TTN: variants seen among roughly 807,000 people sequenced by gnomAD.
TTN encodes the protein titin, also known as connectin.
In TTN, 1,525 loss-of-function variants were observed where a neutral mutation model predicts 3,223.0. The ratio of observed to expected loss-of-function variants is 0.47; its 90% CI spans 0.45 to 0.49. The LOEUF is 0.49. Ranked by LOEUF, TTN falls within the 20% of genes least tolerant of loss-of-function variation. TTN has a pLI of 0.00. For synonymous variants in TTN, 14,094 were observed against 15,161.0 expected (o/e 0.93, Z 5.17); for missense variants, 40,786 against 43,424.0 (o/e 0.94, Z 5.40).
chr2:178,590,488 G>A lies in TTN; in HGVS notation c.61237C>T (p.Pro20413Ser), dbSNP rs1318733792. 1 of 1,612,952 alleles carries A rather than the reference G, an allele frequency of 6.2e-7. No individual in the cohort carries two copies. Among genetic ancestry groups the A allele is most frequent in the Non-Finnish European group, 8.5e-7 (1 of 1,179,412 alleles). The change falls in exon 304 of 363, where the codon CCT becomes TCT. Residue 20413 changes from proline to serine, a missense_variant. Pro to Ser is a moderately conservative substitution (Grantham distance 74). Transcript: ENST00000589042. ...ILGYVVECQK[P>S]GTAQWNRINK... Reference sequence around the variant, plus strand: ...ATCCTGTTCCATTGTGCTGTGCCAGGTTTCTGACATTCCACTACATATCCT... The same window carrying A: ...ATCCTGTTCCATTGTGCTGTGCCAGATTTCTGACATTCCACTACATATCCT...
rs148115514 is a variant in TTN at position 178,751,754 on chromosome 2, C to G, written c.11311+1370G>C. On this transcript the variant is annotated intron_variant, in intron 47 of 362. Transcript: ENST00000589042. ...ATCACTCTCAGCTTTTATAATCCGA[C>G]GAAGACCTGTTGGGATGGGCCGATT... is the stretch of plus-strand genomic sequence containing the variant. 3.7e-6 allele frequency: 6 copies of G among 1,613,094 alleles called. No individual in the cohort carries two copies. The Admixed American group carries it at 1.0e-4, about 27-fold the overall frequency.
chr2:178,620,018 T>G lies in TTN; in HGVS notation c.46399A>C (p.Arg15467=), dbSNP rs1213528986. Residue 15467 remains arginine (R), a synonymous_variant, in exon 249 of 363, where the codon AGG becomes CGG. Transcript: ENST00000589042. ...ECEYACGVED[R]KSRARLFVEE... ...ACAAAAAGTCTAGCACGAGACTTCC[T>G]GTCTTCTACCCCGCAAGCATATTCA... The G allele has an allele frequency of 3.7e-6, 6 of 1,611,734 alleles. No homozygotes were observed. Among genetic ancestry groups the G allele is most frequent in the Non-Finnish European group, 4.2e-6 (5 of 1,178,722 alleles).
At position 178,554,528 on chromosome 2, in the gene TTN, G is replaced by C. The variant is rs781330566; in HGVS notation, c.88819C>G (p.Arg29607Gly). 1.2e-6 allele frequency: 2 copies of C among 1,613,386 alleles called. No homozygotes were observed. Among genetic ancestry groups the C allele is most frequent in the Non-Finnish European group, 1.7e-6 (2 of 1,179,772 alleles). ...KIIKGNEYIFRVRAVNKYGIG... is the reference protein window; with the variant it reads ...KIIKGNEYIFGVRAVNKYGIG... ...CCATATTTGTTCACGGCTCGGACCC[G>C]GAAGATGTATTCATTTCCTTTGATA... The change falls in exon 332 of 363, where the codon CGG becomes GGG. Residue 29607 changes from arginine (R) to glycine (G), a missense_variant. By Grantham distance (125) the Arg-to-Gly change is moderately radical. Coordinates refer to ENST00000589042, the MANE Select transcript of TTN (RefSeq NM_001267550.2).
rs1260981476 is a variant in TTN at position 178,775,086 on chromosome 2, T to G, written c.6625A>C (p.Lys2209Gln). ...SEPFVKVKWYKDGMEVHEGDK... is the reference protein window; with the variant it reads ...SEPFVKVKWYQDGMEVHEGDK... ...CCCTCATGAACCTCCATACCATCTT[T>G]ATACCATTTCACTTTGACAAATGGT... is the stretch of plus-strand genomic sequence containing the variant. The change falls in exon 29 of 363, where the codon AAA (lysine) becomes CAA (glutamine). Residue 2209 changes from lysine (K) to glutamine (Q), a missense_variant. Transcript: ENST00000589042. 1 of 1,614,080 alleles carries G rather than the reference T, an allele frequency of 6.2e-7. No individual in the cohort carries two copies. Among genetic ancestry groups the G allele is most frequent in the Non-Finnish European group, 8.5e-7 (1 of 1,179,976 alleles).
intron 27 of TTN, 42 bp from the exon 28 acceptor site, chr2:178,777,091 A>T (rs530480093): frequency 6.2e-7 from 1 of 1,613,924 alleles, no homozygotes; most frequent in East Asian, 2.2e-5. Flanking sequence ...ATAGTGGTAT[A>T]GCTTCCCTGG....
At chr2:178,746,552 G>T in intron 47 of TTN, 1 of 1,613,152 alleles carries the variant, frequency 6.2e-7, no homozygotes, top group South Asian at 1.1e-5. Context: ...TACTGGAGGT[G>T]GTAGTGCCAC....
chr2:178,602,189 A>G, intron 283 of TTN, 39 bp from the exon 284 acceptor site: 1 of 1,593,174 alleles, frequency 6.3e-7, no homozygotes, highest in Non-Finnish European at 8.5e-7. Context: ...TTTAGCTCAT[A>G]TTTGTCAAAA....
At chr2:178,638,391 TC>T (rs1258190429) in intron 223 of TTN, among the ~76,000 whole-genome samples, 1 of 151,172 alleles carries the variant, frequency 6.6e-6, no homozygotes, top group African/African-American at 2.4e-5. Flanking sequence ...ATATAATTTT[TC>T]CAAATAGTTT....
chr2:178,620,573 C>G lies in TTN; in HGVS notation c.45948G>C (p.Lys15316Asn), dbSNP rs781445105. 6.2e-7 allele frequency: 1 copy of G among 1,611,498 alleles called. No homozygotes were observed. The highest frequency in any genetic ancestry group is 8.5e-7 in the Non-Finnish European group (1 of 1,178,618). Residue 15316 changes from lysine (K) to asparagine (N), a missense_variant, in exon 248 of 363, where the codon AAG (lysine) becomes AAC (asparagine). By Grantham distance (94) the Lys-to-Asn change is moderately conservative (BLOSUM62 0). Transcript: ENST00000589042. The stretch of plus-strand genomic sequence containing the variant: ...CCTTGCACCAGAATGTGACAGATTT[C>G]TTCTCCATTGTTTCAATATCTTTAA... Reference protein sequence around the residue: ...EPLKDIETMEKKSVTFWCKVN... With the variant: ...EPLKDIETMENKSVTFWCKVN...
At position 178,710,787 on chromosome 2, in the gene TTN, A is replaced by G. The variant is rs1277389231; in HGVS notation, c.28310T>C (p.Ile9437Thr). 6.2e-7 allele frequency: 1 copy of G among 1,613,764 alleles called. No individual in the cohort carries two copies. ...AATCTGGTACTTTCCGCCACTTCGT[A>G]TTTCTCTGCTGTCTTTGGCCCAGCT... ...KVSWAKDSRE[I>T]RSGGKYQISY... is the part of the protein sequence containing the mutation. Residue 9437 changes from isoleucine (I) to threonine (T), a missense_variant, in exon 98 of 363, where the codon ATA becomes ACA. Transcript: ENST00000589042.
In TTN at chr2:178,611,798, T is replaced by A. The variant is rs574553890; in HGVS notation, c.50511A>T (p.Pro16837=). ...RAENEAGVGH[P]SEPTEILSIE... is the part of the protein sequence containing the mutation. Reference sequence around the variant, plus strand: ...TGGATAGGATTTCTGTGGGTTCACTTGGGTGGCCAACTCCAGCTTCATTTT... The same window carrying A: ...TGGATAGGATTTCTGTGGGTTCACTAGGGTGGCCAACTCCAGCTTCATTTT... The change falls in exon 268 of 363, where the codon CCA becomes CCT. Residue 16837 remains proline, a synonymous_variant. Transcript: ENST00000589042. 2 of 1,612,868 alleles carry A rather than the reference T, an allele frequency of 1.2e-6. No individual in the cohort carries two copies. The highest frequency in any genetic ancestry group is 1.7e-5 in the Admixed American group (1 of 59,948).
intron 344 of TTN, 56 bp downstream of exon 344, chr2:178,545,332 T>TA: frequency 1.4e-6 from 2 of 1,443,686 alleles, no homozygotes; most frequent in Non-Finnish European, 9.2e-7. Context: ...GTTGGAAAAT[T>TA]ATCTGTCATA....
chr2:178,620,936 A>G lies in TTN; in HGVS notation c.45674T>C (p.Val15225Ala), dbSNP rs1449233780. ...AGTATTGACTTCACAGTTGAAGACAACTTCCTGTTGTTCCTTCACCCGGGT... is the reference window on the plus strand; with the variant it reads ...AGTATTGACTTCACAGTTGAAGACAGCTTCCTGTTGTTCCTTCACCCGGGT... ...KDTRVKEQQEVVFNCEVNTEG... is the reference protein window; with the variant it reads ...KDTRVKEQQEAVFNCEVNTEG... Residue 15225 changes from valine to alanine, a missense_variant, in exon 247 of 363, where the codon GTT becomes GCT. Val to Ala is a moderately conservative substitution (Grantham distance 64). Transcript: ENST00000589042. 1 of 1,612,424 alleles carries G rather than the reference A, an allele frequency of 6.2e-7. No individual in the cohort carries two copies. The highest frequency in any genetic ancestry group is 1.3e-5 in the African/African-American group (1 of 74,926).
chr2:178,547,660 T>G lies in TTN; in HGVS notation c.93966A>C (p.Ser31322=). 6.2e-7 allele frequency: 1 copy of G among 1,613,924 alleles called. No individual in the cohort carries two copies. Among genetic ancestry groups the G allele is most frequent in the South Asian group, 1.1e-5 (1 of 91,086 alleles). ...VTGPIEVSSV[S]AESCVLSWGE... is the part of the protein sequence containing the mutation. ...CCCATGACAGGACACACGATTCAGCTGAGACAGATGAGACCTCAATGGGGC... is the reference window on the plus strand; with the variant it reads ...CCCATGACAGGACACACGATTCAGCGGAGACAGATGAGACCTCAATGGGGC... Residue 31322 remains serine (S), a synonymous_variant, in exon 339 of 363, where the codon TCA becomes TCC. Transcript: ENST00000589042.
intron 1 of TTN, among the ~76,000 whole-genome samples, chr2:178,805,051 T>G (rs1418753074): frequency 6.6e-6 from 1 of 152,062 alleles, no homozygotes; most frequent in Non-Finnish European, 1.5e-5. Context: ...AAATGTAAAA[T>G]AAACCTCTGG....
Position 178,570,436 on chromosome 2 carries a change from A to T in TTN, c.75696T>A (p.Asp25232Glu). 6.2e-7 allele frequency: 1 copy of T among 1,613,206 alleles called. No individual in the cohort carries two copies. The highest frequency in any genetic ancestry group is 8.5e-7 in the Non-Finnish European group (1 of 1,179,562). ...TATAATTTATGATGTCACTCCCACC[A>T]TCCTGAAGTGGGGGTTTCCAAGCTA... Reference protein sequence around the residue: ...CTLAWKPPLQDGGSDIINYIV... With the variant: ...CTLAWKPPLQEGGSDIINYIV... Residue 25232 changes from aspartate (D) to glutamate (E), a missense_variant, in exon 326 of 363, where the codon GAT becomes GAA. By Grantham distance (45) the Asp-to-Glu change is conservative. Transcript: ENST00000589042.
chr2:178,664,122 C>T, intron 168 of TTN, 24 bp from the exon 169 acceptor site: 7 of 1,583,290 alleles, frequency 4.4e-6, no homozygotes, highest in South Asian at 1.1e-5. Flanking sequence ...AGTATTTTTA[C>T]ACTCAGAAAA....
chr2:178,551,122 C>A lies in TTN; in HGVS notation c.91409G>T (p.Arg30470Ile), dbSNP rs371081348. 3 of 1,613,398 alleles carry A rather than the reference C, an allele frequency of 1.9e-6. No individual in the cohort carries two copies. The African/African-American group carries it at 4.0e-5, about 22-fold the overall frequency. ...TTCACTGACGTCAGTAAAGTTGCAT[C>A]TCACCCAGCGTTCATTTCCTTGCCG... ...EKRQGNERWV[R>I]CNFTDVSECQ... is the part of the protein sequence containing the mutation. The change falls in exon 336 of 363, where the codon AGA (arginine) becomes ATA (isoleucine). Residue 30470 changes from arginine to isoleucine, a missense_variant. By Grantham distance (97) the Arg-to-Ile change is moderately conservative (BLOSUM62 -3). Transcript: ENST00000589042.
chr2:178,756,124 T>A, intron 46 of TTN, 98 bp downstream of exon 46: 2 of 918,570 alleles, frequency 2.2e-6, no homozygotes, highest in East Asian at 4.9e-5. Context: ...TTAGAGATAT[T>A]CTAATTAATA....
Sources: allele counts gnomAD v4.1 joint callset (sites outside exome capture counted in the v4.1 genomes callset), GRCh38; gene constraint gnomAD v4.1.1; transcripts MANE v1.5; gene names NCBI Gene and HGNC (gene_info 2026-07-23, HGNC 2026-07-21).